Variants in WDR33 observed in about 807,000 individuals in gnomAD.
The protein encoded by WDR33 is pre-mRNA 3' end processing protein WDR33.
In WDR33, 47 loss-of-function variants were observed where a neutral mutation model predicts 164.9. The observed-to-expected ratio is 0.29, with a 90% CI of 0.23 to 0.36. The LOEUF is 0.36. WDR33 is among the 10% of genes least tolerant of loss of function. The pLI, the probability that WDR33 is intolerant of heterozygous loss-of-function variation, is 1.00. For synonymous variants in WDR33, 505 were observed against 589.0 expected, an observed-to-expected ratio of 0.86 and a Z score of 2.06; for missense variants, 1,137 against 1,754.1, an observed-to-expected ratio of 0.65 and a Z score of 6.28.
chr2:127,708,873 A>G lies in WDR33; in HGVS notation c.3585T>C (p.Phe1195=). 6.3e-7 allele frequency: 1 copy of G among 1,577,846 alleles called. No homozygotes were observed. The highest frequency in any genetic ancestry group is 8.6e-7 in the Non-Finnish European group (1 of 1,158,322). The change falls in exon 21 of 22, where the codon TTT becomes TTC. Residue 1195 remains phenylalanine (F), a synonymous_variant. Transcript: ENST00000322313. The surrounding 1 kb of genome is among the most constrained non-coding windows in gnomAD (Gnocchi z 6.7). ...NREPGPGHEH[F]RDTPRPDHPP... ...GATGATCAGGGCGGGGAGTATCACG[A>G]AAATGTTCATGACCTGGCCCTGAAA...
intron 18 of WDR33, among the ~76,000 whole-genome samples, chr2:127,711,789 T>TTTTTTTTTTTG (rs1355885017): frequency 7.4e-6 from 1 of 135,186 alleles, no homozygotes; most frequent in African/African-American, 3.1e-5. Context: ...TATTTTTTTT[T>TTTTTTTTTTTG]TGAGACAGAG....
At chr2:127,789,588 G>A (rs1573466269) in intron 1 of WDR33, among the ~76,000 whole-genome samples, 1 of 150,670 alleles carries the variant, frequency 6.6e-6, no homozygotes, top group Non-Finnish European at 1.5e-5. Flanking sequence ...GCACTCGGCA[G>A]GCTGAGGCAG....
At chr2:127,778,183 C>G (rs955933008) in intron 1 of WDR33, among the ~76,000 whole-genome samples, 1 of 152,002 alleles carries the variant, frequency 6.6e-6, no homozygotes, top group Non-Finnish European at 1.5e-5. Context: ...CGCCTGTAAT[C>G]CCAGCACTTT....
chr2:127,717,179 C>T lies in WDR33; in HGVS notation c.2845G>A (p.Gly949Arg), dbSNP rs1198789471. 3 of 1,607,264 alleles carry T rather than the reference C, an allele frequency of 1.9e-6. No individual in the cohort carries two copies. The highest frequency in any genetic ancestry group is 2.2e-5 in the East Asian group (1 of 44,802). The change falls in exon 17 of 22, where the codon GGA becomes AGA. Residue 949 changes from glycine (G) to arginine (R), a missense_variant. Gly to Arg is a moderately radical substitution (Grantham distance 125). Transcript: ENST00000322313. This position sits in a 1 kb window ranked among gnomAD's most constrained non-coding sequence, Gnocchi z 5.6. ...AQGRIPPLNPGQGPGPNKGDS... is the reference protein window; with the variant it reads ...AQGRIPPLNPRQGPGPNKGDS... ...CCTTTGTTGGGGCCAGGTCCTTGTC[C>T]GGGGTTCAGAGGGGGAATGCGACCT...
rs1184797403 is a variant in WDR33, at chr2:127,716,952, G to C, written c.2869+203C>G. ...TGGAGCCTGTGCGGGTGCCTTCATT[G>C]TCAGCCTCTGGGGTGAGGGGCTTAC... On this transcript the variant is annotated intron_variant, in intron 17 of 21. Transcript: ENST00000322313. This position sits in a 1 kb window ranked among gnomAD's most constrained non-coding sequence, Gnocchi z 4.5. Among the ~76,000 whole-genome samples the C allele has an allele frequency of 1.3e-5, 2 of 152,200 alleles. No individual in the cohort carries two copies. The highest frequency in any genetic ancestry group is 4.8e-5 in the African/African-American group (2 of 41,454).
At chr2:127,711,679 C>A (rs1157432252) in intron 18 of WDR33, among the ~76,000 whole-genome samples, 1 of 147,274 alleles carries the variant, frequency 6.8e-6, no homozygotes, top group Non-Finnish European at 1.5e-5. Flanking sequence ...TGCTTCTGAG[C>A]CTGTCATCAG....
chr2:127,743,841 T>TG (rs1687094186), intron 7 of WDR33, among the ~76,000 whole-genome samples: 1 of 152,188 alleles, frequency 6.6e-6, no homozygotes, highest in Non-Finnish European at 1.5e-5. Context: ...ACTCAATTCC[T>TG]CACCTTTGAT....
intron 21 of WDR33, among the ~76,000 whole-genome samples, chr2:127,707,436 A>G (rs1686048139): frequency 6.6e-6 from 1 of 152,172 alleles, no homozygotes; most frequent in African/African-American, 2.4e-5. Flanking sequence ...CAAAGGAACA[A>G]TCTTGGCTTC....
intron 7 of WDR33, among the ~76,000 whole-genome samples, chr2:127,731,756 T>C (rs1417666074): frequency 6.6e-6 from 1 of 152,222 alleles, no homozygotes; most frequent in Non-Finnish European, 1.5e-5. Flanking sequence ...TTTATAGGAC[T>C]GTAGACCTAA....
intron 1 of WDR33, among the ~76,000 whole-genome samples, chr2:127,796,221 T>A (rs1356078866): frequency 6.6e-6 from 1 of 151,772 alleles, no homozygotes; most frequent in Non-Finnish European, 1.5e-5. Flanking sequence ...ATACAGCATG[T>A]GCCACCACAT....
chr2:127,736,062 G>C (rs1242297043), intron 7 of WDR33: 1 of 985,420 alleles, frequency 1.0e-6, no homozygotes, highest in Non-Finnish European at 1.2e-6. Context: ...GAGCAATGCT[G>C]AATTTTAAAA....
At chr2:127,792,026 C>T (rs1688858960) in intron 1 of WDR33, among the ~76,000 whole-genome samples, 1 of 151,766 alleles carries the variant, frequency 6.6e-6, no homozygotes, top group South Asian at 2.1e-4. Flanking sequence ...GCAACCTCTG[C>T]CTCCCAAGTT....
In WDR33 at chr2:127,723,413, T is replaced by C; in HGVS notation, c.1197-66A>G. ...TATTTTTTTGGGCACTAAACAGTAC[T>C]AGGCAGACCCTTGGTAAACACAACA... On this transcript the variant is annotated intron_variant, in intron 11 of 21. Coordinates refer to ENST00000322313, the MANE Select transcript of WDR33 (RefSeq NM_018383.5). This position sits in a 1 kb window ranked among gnomAD's most constrained non-coding sequence, Gnocchi z 5.9. 1 of 1,238,828 alleles carries C rather than the reference T, an allele frequency of 8.1e-7. No homozygotes were observed. Among genetic ancestry groups the C allele is most frequent in the Non-Finnish European group, 1.2e-6 (1 of 857,060 alleles). 76.7% of individuals were successfully genotyped at this position (1,238,828 alleles called of 1,614,324 possible). A position where few individuals can be genotyped will look rare whatever the true frequency, so the allele number is the denominator to read the frequency against.
At chr2:127,775,077 A>C (rs1380897687) in intron 1 of WDR33, among the ~76,000 whole-genome samples, 2 of 151,744 alleles carry the variant, frequency 1.3e-5, no homozygotes, top group Admixed American at 1.3e-4. Context: ...GGCTGCAAAA[A>C]ACTGAATTTA....
intron 4 of WDR33, among the ~76,000 whole-genome samples, chr2:127,766,974 G>T (rs979170975): frequency 6.6e-6 from 1 of 152,098 alleles, no homozygotes; most frequent in Non-Finnish European, 1.5e-5. Context: ...GGTCAGGCTG[G>T]TCTCAAACTC....
intron 7 of WDR33, among the ~76,000 whole-genome samples, chr2:127,745,039 C>T (rs1485286164): frequency 2.0e-5 from 3 of 152,128 alleles, no homozygotes; most frequent in Non-Finnish European, 4.4e-5. Context: ...TATTGTTATG[C>T]AGTCAGCTTG....
At chr2:127,753,538 T>C (rs1047880769) in intron 7 of WDR33, among the ~76,000 whole-genome samples, 8 of 152,160 alleles carry the variant, frequency 5.3e-5, no homozygotes, top group Admixed American at 4.6e-4. Context: ...CACAAAATAT[T>C]GTAACTTGCC....
At position 127,705,456 on chromosome 2, in the gene WDR33, A is replaced by G. The variant is rs1430963134; in HGVS notation, c.*867T>C. Reference sequence around the variant, plus strand: ...GTGTTGCAAAATTGTTTGAGGACCTATTTTGGTCCATTCCTTATCAACTCC... The same window carrying G: ...GTGTTGCAAAATTGTTTGAGGACCTGTTTTGGTCCATTCCTTATCAACTCC... On this transcript the variant is annotated 3_prime_UTR_variant, in exon 22 of 22. Coordinates refer to ENST00000322313, the MANE Select transcript of WDR33 (RefSeq NM_018383.5). This position sits in a 1 kb window ranked among gnomAD's most constrained non-coding sequence, Gnocchi z 4.5. 1 of 152,196 alleles carries G rather than the reference A, an allele frequency of 6.6e-6. No individual in the cohort carries two copies. Among genetic ancestry groups the G allele is most frequent in the Non-Finnish European group, 1.5e-5 (1 of 68,030 alleles). 9.4% of individuals were successfully genotyped at this position (152,196 alleles called of 1,614,324 possible). A position where few individuals can be genotyped will look rare whatever the true frequency, so the allele number is the denominator to read the frequency against.
chr2:127,701,692 G>T lies in WDR33; in HGVS notation c.*4631C>A. On this transcript the variant is annotated 3_prime_UTR_variant, in exon 22 of 22. Coordinates refer to ENST00000322313, the MANE Select transcript of WDR33 (RefSeq NM_018383.5). ...GCGGGCTTGCGCTGGACGTGGGCGC[G>T]GAGCCCTGCGGAGTCGGCAGCGGCC... 2 of 1,300,876 alleles carry T rather than the reference G, an allele frequency of 1.5e-6. No individual in the cohort carries two copies. Among genetic ancestry groups the T allele is most frequent in the South Asian group, 2.2e-5 (1 of 45,072 alleles). 80.6% of individuals were successfully genotyped at this position (1,300,876 alleles called of 1,614,324 possible).
Sources: gnomAD v4.1 joint callset for allele counts (sites outside exome capture counted in the v4.1 genomes callset) on GRCh38, gnomAD v4.1.1 for gene constraint, Gnocchi (gnomAD v3.1) non-coding constraint, MANE v1.5 for transcripts, NCBI Gene and HGNC (gene_info 2026-07-23, HGNC 2026-07-21) for gene names.